The following PAMR1 variants were observed in gnomAD, a reference collection of about 807,000 sequenced individuals.
The protein encoded by PAMR1 is peptidase domain containing associated with muscle regeneration 1, also known as inactive serine protease PAMR1.
PAMR1 carries 88 observed loss-of-function variants against 81.8 expected under a neutral mutation model. That is an observed-to-expected ratio of 1.08 (90% CI 0.91 to 1.28). The LOEUF (loss-of-function observed/expected upper bound fraction) is 1.28, where lower values mean the gene tolerates loss of function less well. Ranked by LOEUF, PAMR1 falls within the 50% of genes most tolerant of loss-of-function variation. The pLI, the probability that PAMR1 is intolerant of heterozygous loss-of-function variation, is 0.00. For synonymous variants in PAMR1, 336 were observed against 345.3 expected (o/e 0.97, Z 0.30); for missense variants, 935 against 919.7 (o/e 1.02, Z -0.21).
At chr11:35,449,193 C>T (rs1320432946) in intron 6 of PAMR1, among the ~76,000 whole-genome samples, 1 of 152,170 alleles carries the variant, frequency 6.6e-6, no homozygotes, top group Non-Finnish European at 1.5e-5. Context: ...GGGGAAATCC[C>T]ACTCGTCTGG....
intron 3 of PAMR1, among the ~76,000 whole-genome samples, chr11:35,481,044 T>C (rs1850380906): frequency 1.3e-5 from 2 of 152,262 alleles, no homozygotes; most frequent in South Asian, 4.1e-4. Context: ...TCATTCCTTT[T>C]TATGGCTACA....
At chr11:35,491,252 T>C (rs776811805) in intron 3 of PAMR1, among the ~76,000 whole-genome samples, 60 of 152,154 alleles carry the variant, frequency 3.9e-4, no homozygotes, top group Non-Finnish European at 7.8e-4. Flanking sequence ...TTGAAACTGA[T>C]GGTATTTCAG....
chr11:35,470,519 A>G, intron 5 of PAMR1, 82 bp downstream of exon 5: 1 of 1,046,358 alleles, frequency 9.6e-7, no homozygotes, highest in African/African-American at 1.6e-5. Context: ...TAAGGATGAG[A>G]GGAAGAAAGG....
intron 1 of PAMR1, among the ~76,000 whole-genome samples, chr11:35,516,943 A>AG (rs1197011106): frequency 6.6e-6 from 1 of 152,096 alleles, no homozygotes; most frequent in Non-Finnish European, 1.5e-5. Flanking sequence ...CCTCTGTGAG[A>AG]GGGGGGAAGG....
At position 35,436,012 on chromosome 11, in the gene PAMR1, G is replaced by C. The variant is rs1212738980; in HGVS notation, c.1224C>G (p.Thr408=). The C allele has an allele frequency of 3.1e-6, 5 of 1,614,108 alleles. No individual in the cohort carries two copies. The highest frequency in any genetic ancestry group is 4.2e-6 in the Non-Finnish European group (5 of 1,179,992). Residue 408 remains threonine (T), a synonymous_variant, in exon 9 of 11, where the codon ACC becomes ACG. Transcript: ENST00000619888. Reference sequence around the variant, plus strand: ...GTGAGATGCACTCATACTGGAGCTGGGTATGCAGATGTTGGTATCCCATGG... The same window carrying C: ...GTGAGATGCACTCATACTGGAGCTGCGTATGCAGATGTTGGTATCCCATGG... The part of the protein sequence containing the change: ...DLPMGYQHLH[T]QLQYECISPF...
At chr11:35,504,006 G>A (rs988031981) in intron 1 of PAMR1, among the ~76,000 whole-genome samples, 1 of 152,012 alleles carries the variant, frequency 6.6e-6, no homozygotes, top group Non-Finnish European at 1.5e-5. Flanking sequence ...ATTGGCTGTT[G>A]GTTTGTCACA....
intron 7 of PAMR1, among the ~76,000 whole-genome samples, chr11:35,440,790 A>G (rs767333144): frequency 3.3e-5 from 5 of 152,132 alleles, no homozygotes; most frequent in Non-Finnish European, 5.9e-5. Flanking sequence ...TACCATGATG[A>G]CTTCACTTCT....
intron 1 of PAMR1, among the ~76,000 whole-genome samples, chr11:35,497,414 G>C (rs1850747441): frequency 6.6e-6 from 1 of 152,212 alleles, no homozygotes; most frequent in African/African-American, 2.4e-5. Context: ...GTTACCAGGA[G>C]CTGGGGGAAA....
At chr11:35,487,580 AT>A (rs1483927183) in intron 3 of PAMR1, among the ~76,000 whole-genome samples, 1 of 152,180 alleles carries the variant, frequency 6.6e-6, no homozygotes, top group African/African-American at 2.4e-5. Flanking sequence ...TCTCGCTTGG[AT>A]ATGCTTTAAG....
chr11:35,501,530 A>T (rs893615998), intron 1 of PAMR1, among the ~76,000 whole-genome samples: 9 of 151,960 alleles, frequency 5.9e-5, no homozygotes, highest in Admixed American at 5.2e-4. Context: ...ATGTTTTTAT[A>T]CTATATGTTT....
chr11:35,481,392 A>G (rs931716578), intron 3 of PAMR1, among the ~76,000 whole-genome samples: 8 of 152,102 alleles, frequency 5.3e-5, no homozygotes, highest in Admixed American at 3.9e-4. Context: ...TTTAATAATC[A>G]CCATTCTGAC....
At chr11:35,479,111 A>C (rs1341777186) in intron 3 of PAMR1, among the ~76,000 whole-genome samples, 1 of 152,176 alleles carries the variant, frequency 6.6e-6, no homozygotes, top group Admixed American at 6.5e-5. Context: ...CATTTGGTGC[A>C]GGGGAGGGGA....
chr11:35,465,182 A>G (rs1306616910), intron 6 of PAMR1, among the ~76,000 whole-genome samples: 1 of 152,202 alleles, frequency 6.6e-6, no homozygotes, highest in East Asian at 1.9e-4. Context: ...CTGAGCATCT[A>G]CCTTTCCACA....
At chr11:35,505,573 C>G (rs117968914) in intron 1 of PAMR1, among the ~76,000 whole-genome samples, 1 of 152,014 alleles carries the variant, frequency 6.6e-6, no homozygotes, top group Admixed American at 6.6e-5. Context: ...TTGTTATATC[C>G]TCTTGCTGAA....
intron 6 of PAMR1, among the ~76,000 whole-genome samples, chr11:35,454,198 A>G (rs573101440): frequency 1.3e-4 from 20 of 152,282 alleles, no homozygotes; most frequent in Middle Eastern, 3.4e-3. Flanking sequence ...CAACTTCTAC[A>G]TGAGTGCTTT....
At chr11:35,529,336 C>T (rs953300070), upstream of PAMR1, among the ~76,000 whole-genome samples, 4 of 152,122 alleles carry the variant, frequency 2.6e-5, no homozygotes, top group African/African-American at 4.8e-5. Context: ...AAAAATGGAC[C>T]AAATATTTCT....
chr11:35,470,537 A>G (rs1384677544), intron 5 of PAMR1, 64 bp downstream of exon 5: 1 of 1,227,300 alleles, frequency 8.1e-7, no homozygotes, highest in Non-Finnish European at 1.2e-6. Context: ...AGGAAGGGAC[A>G]TGGAAAGGAG....
At chr11:35,501,998 C>T (rs1850855218) in intron 1 of PAMR1, among the ~76,000 whole-genome samples, 1 of 152,148 alleles carries the variant, frequency 6.6e-6, no homozygotes, top group Admixed American at 6.5e-5. Flanking sequence ...TGAGAAACCT[C>T]CATACAGTTT....
intron 3 of PAMR1, among the ~76,000 whole-genome samples, chr11:35,482,348 A>G (rs189876866): frequency 6.6e-6 from 1 of 152,072 alleles, no homozygotes; most frequent in Non-Finnish European, 1.5e-5. Context: ...ATGGTTGTAG[A>G]TGTGTGGTGT....
Sources: gnomAD v4.1 joint callset for allele counts (sites outside exome capture counted in the v4.1 genomes callset) on GRCh38, gnomAD v4.1.1 for gene constraint, MANE v1.5 for transcripts, NCBI Gene and HGNC (gene_info 2026-07-23, HGNC 2026-07-21) for gene names.